COL13A1: variants seen among roughly 807,000 people sequenced by gnomAD.
The protein encoded by COL13A1 is collagen alpha-1(XIII) chain.
COL13A1 carries 89 observed loss-of-function variants against 130.9 expected under a neutral mutation model. The ratio of observed to expected loss-of-function variants is 0.68; its 90% CI spans 0.57 to 0.81. COL13A1 has a LOEUF of 0.81. Ranked by LOEUF, COL13A1 falls within the 30% of genes least tolerant of loss-of-function variation. The pLI, the probability that COL13A1 is intolerant of heterozygous loss-of-function variation, is 0.00. For missense variants in COL13A1, 879 were observed against 934.6 expected, an observed-to-expected ratio of 0.94 and a Z score of 0.78; for synonymous variants, 402 against 341.6, an observed-to-expected ratio of 1.18 and a Z score of -1.95.
At chr10:69,870,431 G>A (rs1362112148) in intron 3 of COL13A1, among the ~76,000 whole-genome samples, 1 of 151,354 alleles carries the variant, frequency 6.6e-6, no homozygotes, top group Non-Finnish European at 1.5e-5. Flanking sequence ...TCCTGCCTCA[G>A]CCTCCCAAGT....
chr10:69,897,624 T>C (rs1473332689), intron 13 of COL13A1: 1 of 1,386,578 alleles, frequency 7.2e-7, no homozygotes, highest in Non-Finnish European at 1.0e-6. Flanking sequence ...GCCCCGGCAG[T>C]GGGAGCGGGT....
chr10:69,901,188 T>TG (rs1280963338), intron 14 of COL13A1, among the ~76,000 whole-genome samples: 2 of 151,936 alleles, frequency 1.3e-5, no homozygotes, highest in Admixed American at 1.3e-4. Flanking sequence ...TGCAGCCGGG[T>TG]GGGGGACCTG....
In COL13A1 at chr10:69,884,584, C is replaced by T. The variant is rs148786035; in HGVS notation, c.514-2872C>T. Among the ~76,000 whole-genome samples the T allele has an allele frequency of 5.9e-5, 9 of 152,250 alleles. 1 individual carries two copies. In the East Asian group the frequency reaches 1.7e-3, roughly 29 times the overall value. ...GGGGTCTGCTTTCAGAAGTGGGGAC[C>T]TCCTTCGGCTCCCTTTTCACTCTGA... On this transcript the variant is annotated intron_variant, in intron 7 of 40. Transcript: ENST00000645393.
In COL13A1 at chr10:69,872,174, T is replaced by C. The variant is rs747909611; in HGVS notation, c.373-10T>C. On this transcript the variant is annotated splice_polypyrimidine_tract_variant and intron_variant, in intron 3 of 40. Transcript: ENST00000645393. ...TGCCTGACCTACGTAAACGTCACTC[T>C]TCATTTCAGGGTCCCACTGGAAGAC... The C allele has an allele frequency of 6.2e-7, 1 of 1,614,044 alleles. No homozygotes were observed. Among genetic ancestry groups the C allele is most frequent in the East Asian group, 2.2e-5 (1 of 44,892 alleles).
chr10:69,873,707 C>G (rs1262448000), intron 4 of COL13A1, among the ~76,000 whole-genome samples: 2 of 152,254 alleles, frequency 1.3e-5, no homozygotes, highest in African/African-American at 4.8e-5. Context: ...ACCACCCGCC[C>G]TGGCCTGGGG....
chr10:69,847,645 G>T (rs1468201022), intron 2 of COL13A1, among the ~76,000 whole-genome samples: 5 of 152,238 alleles, frequency 3.3e-5, no homozygotes, highest in African/African-American at 9.6e-5. Context: ...AAATAACAGG[G>T]TCTGTATATA....
rs779371156 is a variant in COL13A1 at position 69,930,521 on chromosome 10, A to G, written c.1652A>G (p.Glu551Gly). The change falls in exon 30 of 41, where the codon GAA becomes GGA. Residue 551 changes from glutamate (E) to glycine (G), a missense_variant. Physicochemically the swap from Glu to Gly is moderately conservative, Grantham distance 98. Around this residue, in one of 3 missense-constraint regions of COL13A1, gnomAD observed 715 missense variants for 721.0 expected, o/e 0.99. Coordinates refer to ENST00000645393, the MANE Select transcript of COL13A1 (RefSeq NM_001368882.1). ...CCAGGGAGCCCAGGAGAGAAGGGGG[A>G]AAAAGGGGAGACAGGACAAGCAGGC... ...GHPGSPGEKG[E>G]KGETGQAGSP... 1 of 1,613,182 alleles carries G rather than the reference A, an allele frequency of 6.2e-7. No homozygotes were observed. Among genetic ancestry groups the G allele is most frequent in the Non-Finnish European group, 8.5e-7 (1 of 1,179,556 alleles).
intron 2 of COL13A1, among the ~76,000 whole-genome samples, chr10:69,862,690 CG>C (rs1858492033): frequency 6.6e-6 from 1 of 152,150 alleles, no homozygotes; most frequent in South Asian, 2.1e-4. Flanking sequence ...CTTCAAGCTT[CG>C]GGGGCCCATG....
chr10:69,898,450 C>A (rs1170242311), intron 13 of COL13A1, among the ~76,000 whole-genome samples: 10 of 152,224 alleles, frequency 6.6e-5, no homozygotes, highest in Non-Finnish European at 1.5e-4. Flanking sequence ...GGACTGAGGG[C>A]CACAACTCCT....
intron 21 of COL13A1, among the ~76,000 whole-genome samples, chr10:69,920,143 G>A (rs2064447096): frequency 6.6e-6 from 1 of 152,190 alleles, no homozygotes; most frequent in South Asian, 2.1e-4. Flanking sequence ...CTCTTGGCCA[G>A]CCTCAGGCTA....
intron 2 of COL13A1, among the ~76,000 whole-genome samples, chr10:69,850,825 C>G (rs556207657): frequency 1.9e-4 from 29 of 152,228 alleles, no homozygotes; most frequent in Admixed American, 1.9e-3. Context: ...AGTTCTGGAA[C>G]GGGGATGGCC....
At chr10:69,837,668 T>TGGG (rs1445146165) in intron 2 of COL13A1, among the ~76,000 whole-genome samples, 11 of 152,192 alleles carry the variant, frequency 7.2e-5, no homozygotes, top group Non-Finnish European at 1.6e-4. Flanking sequence ...GGTGGCAGAA[T>TGGG]CCCTGGGGAG....
chr10:69,890,364 A>G lies in COL13A1; in HGVS notation c.603+924A>G, dbSNP rs1032924944. On this transcript the variant is annotated intron_variant, in intron 10 of 40. Coordinates refer to ENST00000645393, the MANE Select transcript of COL13A1 (RefSeq NM_001368882.1). The stretch of plus-strand genomic sequence containing the variant: ...CTGCTTTAAAAAAACAAACAAACAG[A>G]CAGACAAACAAAACAGCCCTGGGCT... Among the ~76,000 whole-genome samples the G allele has an allele frequency of 4.6e-5, 7 of 152,132 alleles. No homozygotes were observed. In the East Asian group the frequency reaches 1.3e-3, roughly 29 times the overall value.
At chr10:69,901,695 C>T (rs1288458144) in intron 14 of COL13A1, among the ~76,000 whole-genome samples, 1 of 152,300 alleles carries the variant, frequency 6.6e-6, no homozygotes, top group South Asian at 2.1e-4. Flanking sequence ...TAGAAAATAA[C>T]AAACCAAGGA....
At chr10:69,953,891 T>C (rs1389199192) in intron 39 of COL13A1, 2 of 152,694 alleles carry the variant, frequency 1.3e-5, no homozygotes, top group African/African-American at 2.4e-5. Context: ...CTCTATTCCA[T>C]GGTTGGAGCT....
At chr10:69,831,233 C>T (rs1003505122) in intron 2 of COL13A1, among the ~76,000 whole-genome samples, 1 of 152,166 alleles carries the variant, frequency 6.6e-6, no homozygotes, top group Non-Finnish European at 1.5e-5. Context: ...TGTGTGTGCA[C>T]CCTCAGCCAC....
chr10:69,922,201 A>C lies in COL13A1; in HGVS notation c.1143+266A>C, dbSNP rs2135618990. Among the ~76,000 whole-genome samples, 3 of 152,188 alleles carry C rather than the reference A, an allele frequency of 2.0e-5. No homozygotes were observed. The South Asian group carries it at 6.2e-4, about 32-fold the overall frequency. ...GGTACCAGCTCTGCAAATGCATCCCACAGTTCATGAACTCTGTAAGATATT... is the reference window on the plus strand; with the variant it reads ...GGTACCAGCTCTGCAAATGCATCCCCCAGTTCATGAACTCTGTAAGATATT... On this transcript the variant is annotated intron_variant, in intron 22 of 40. Transcript: ENST00000645393.
chr10:69,914,946 G>A (rs1341813009), intron 17 of COL13A1, among the ~76,000 whole-genome samples: 1 of 152,222 alleles, frequency 6.6e-6, no homozygotes, highest in Admixed American at 6.5e-5. Flanking sequence ...ACAGACCTAA[G>A]GACCCCCACC....
intron 16 of COL13A1, 54 bp downstream of exon 16, chr10:69,905,013 G>GGGAGGGGGAGGCAGCACAGAA: frequency 6.5e-7 from 1 of 1,541,086 alleles, no homozygotes; most frequent in South Asian, 1.2e-5. Context: ...CCCTGCAGGA[G>GGGAGGGGGAGGCAGCACAGAA]GGAGGGGGAG....
Sources: allele counts gnomAD v4.1 joint callset (sites outside exome capture counted in the v4.1 genomes callset), GRCh38; gene constraint gnomAD v4.1.1; regional missense constraint gnomAD v4.1.1; transcripts MANE v1.5; gene names NCBI Gene and HGNC (gene_info 2026-07-23, HGNC 2026-07-21).